Variants in SGCD observed in about 807,000 individuals in gnomAD.
SGCD encodes sarcoglycan delta.
A neutral mutation model predicts 36.6 loss-of-function variants in SGCD; 18 were observed. That is an observed-to-expected ratio of 0.49 (90% CI 0.34 to 0.73). The LOEUF (loss-of-function observed/expected upper bound fraction) is 0.73. SGCD is among the 30% of genes least tolerant of loss of function. SGCD has a pLI of 0.01. For missense variants in SGCD, 387 were observed against 346.7 expected (o/e 1.12, Z -0.92); for synonymous variants, 133 against 130.6 (o/e 1.02, Z -0.12).
chr5:156,588,203 C>A (rs1760575168), intron 4 of SGCD, among the ~76,000 whole-genome samples: 1 of 151,948 alleles, frequency 6.6e-6, no homozygotes, highest in South Asian at 2.1e-4. Context: ...GAGCTACATT[C>A]AACCCTCTGC....
chr5:156,179,987 A>G (rs185679096), intron 3 of SGCD, among the ~76,000 whole-genome samples: 7 of 152,168 alleles, frequency 4.6e-5, no homozygotes, highest in Admixed American at 2.6e-4. Context: ...ATACAAGAGG[A>G]TATATTCTTC....
chr5:156,221,676 T>C (rs568093821), intron 3 of SGCD, among the ~76,000 whole-genome samples: 17 of 152,026 alleles, frequency 1.1e-4, no homozygotes, highest in African/African-American at 4.1e-4. Flanking sequence ...TTATTGGAGA[T>C]TTGTTGTATT....
chr5:156,637,597 A>C (rs1381715777), intron 6 of SGCD, among the ~76,000 whole-genome samples: 3 of 152,138 alleles, frequency 2.0e-5, no homozygotes, highest in African/African-American at 7.2e-5. Context: ...GAACAAAGTC[A>C]TGTCATATGT....
At chr5:155,742,809 G>T in the SGCD span, among the ~76,000 whole-genome samples, 2 of 152,158 alleles carry the variant, frequency 1.3e-5, no homozygotes, top group Non-Finnish European at 2.9e-5. Flanking sequence ...CAAGCTTCAG[G>T]TTGTGACTTG....
chr5:155,838,908 CAG>C, the SGCD span, among the ~76,000 whole-genome samples: 3 of 151,902 alleles, frequency 2.0e-5, no homozygotes, highest in Non-Finnish European at 4.4e-5. Context: ...CTCAATCAAT[CAG>C]AGTTTTTAAG....
Position 156,757,781 on chromosome 5 carries a change from G to A in SGCD, c.699+77G>A, listed in dbSNP as rs200686844. On this transcript the variant is annotated intron_variant, in intron 8 of 8. Coordinates refer to ENST00000337851, the MANE Select transcript of SGCD (RefSeq NM_000337.6). ...ACCCTTCCCATAACTGGTTGACCTC[G>A]GAGTTGGATCCTACAGTGTATCAAC... The A allele has an allele frequency of 5.5e-5, 84 of 1,537,048 alleles. No individual in the cohort carries two copies. Among genetic ancestry groups the A allele is most frequent in the East Asian group, 3.1e-4 (13 of 41,748 alleles).
intron 3 of SGCD, among the ~76,000 whole-genome samples, chr5:156,187,035 A>G (rs1421371815): frequency 6.6e-6 from 1 of 152,180 alleles, no homozygotes; most frequent in Non-Finnish European, 1.5e-5. Flanking sequence ...CAATGAACAT[A>G]GAAGGGCATC....
At chr5:155,983,917 G>A (rs192287937) in intron 1 of SGCD, among the ~76,000 whole-genome samples, 11 of 152,026 alleles carry the variant, frequency 7.2e-5, no homozygotes, top group Admixed American at 2.6e-4. Context: ...CCCTAATCTT[G>A]TCCATGGCAG....
At chr5:155,984,714 A>T (rs1334663053) in intron 1 of SGCD, among the ~76,000 whole-genome samples, 1 of 152,120 alleles carries the variant, frequency 6.6e-6, no homozygotes, top group Non-Finnish European at 1.5e-5. Flanking sequence ...ACCTATGTGT[A>T]CTATAGCTCT....
At chr5:156,410,425 C>T (rs1772675926) in intron 3 of SGCD, among the ~76,000 whole-genome samples, 1 of 152,194 alleles carries the variant, frequency 6.6e-6, no homozygotes, top group African/African-American at 2.4e-5. Flanking sequence ...GTACTATGCT[C>T]ACTACCTGGG....
chr5:156,541,838 C>T (rs1758359211), intron 4 of SGCD, among the ~76,000 whole-genome samples: 1 of 152,168 alleles, frequency 6.6e-6, no homozygotes, highest in African/African-American at 2.4e-5. Context: ...AAGGTCGTAG[C>T]ATTGGCAAAT....
chr5:156,006,989 C>T (rs1418209585), intron 1 of SGCD, among the ~76,000 whole-genome samples: 3 of 152,120 alleles, frequency 2.0e-5, no homozygotes, highest in Non-Finnish European at 4.4e-5. Context: ...TTTTACATGA[C>T]GAATACTTAG....
At chr5:156,723,202 C>A (rs1177531622) in intron 7 of SGCD, among the ~76,000 whole-genome samples, 2 of 152,158 alleles carry the variant, frequency 1.3e-5, no homozygotes, top group Non-Finnish European at 2.9e-5. Context: ...ACCAAGTTAT[C>A]TGAGATTGAA....
chr5:156,380,024 T>C (rs1000787847), intron 3 of SGCD, among the ~76,000 whole-genome samples: 2 of 152,148 alleles, frequency 1.3e-5, no homozygotes, highest in African/African-American at 4.8e-5. Context: ...AATTCCAAAG[T>C]GTGGGCTCCC....
chr5:156,592,259 A>C (rs2113379403), intron 5 of SGCD, among the ~76,000 whole-genome samples: 1 of 152,138 alleles, frequency 6.6e-6, no homozygotes, highest in African/African-American at 2.4e-5. Context: ...AAATGGGCAA[A>C]CTGCTCGCCC....
the SGCD span, among the ~76,000 whole-genome samples, chr5:155,829,627 G>A: frequency 4.0e-3 from 610 of 152,302 alleles, 3 homozygotes; most frequent in Non-Finnish European, 5.7e-3. Flanking sequence ...ACTGGTTTTT[G>A]TAAGATAACT....
chr5:156,165,581 T>C (rs969268123), intron 3 of SGCD, among the ~76,000 whole-genome samples: 16 of 152,198 alleles, frequency 1.1e-4, no homozygotes, highest in African/African-American at 3.9e-4. Context: ...TAGAAATCTG[T>C]TGATTTTTCT....
the SGCD span, among the ~76,000 whole-genome samples, chr5:155,819,308 C>A: frequency 1.1e-4 from 16 of 152,208 alleles, no homozygotes; most frequent in African/African-American, 3.4e-4. Context: ...ATCAGTAGTT[C>A]TCTTTCCAAA....
chr5:156,251,397 G>A (rs1561584706), intron 3 of SGCD, among the ~76,000 whole-genome samples: 1 of 152,070 alleles, frequency 6.6e-6, no homozygotes, highest in Non-Finnish European at 1.5e-5. Context: ...TTAACAGTTT[G>A]GATTGGATCT....
Sources: allele counts gnomAD v4.1 joint callset (sites outside exome capture counted in the v4.1 genomes callset), GRCh38; gene constraint gnomAD v4.1.1; transcripts MANE v1.5; gene names NCBI Gene and HGNC (gene_info 2026-07-23, HGNC 2026-07-21).